The following SUPT3H variants were observed in gnomAD, a reference collection of about 807,000 sequenced individuals.
SUPT3H encodes the protein transcription initiation protein SPT3 homolog.
SUPT3H carries 44 observed loss-of-function variants against 44.3 expected under a neutral mutation model. That is an observed-to-expected ratio of 0.99 (90% CI 0.78 to 1.28). The LOEUF (loss-of-function observed/expected upper bound fraction) is 1.28, where lower values mean the gene tolerates loss of function less well. Among genes scored for constraint, SUPT3H ranks in the 50% most tolerant of loss-of-function variants. The probability of loss-of-function intolerance (pLI) is 0.00; values close to 1 mark genes in which losing one functional copy is unlikely to be tolerated. For missense variants in SUPT3H, 380 were observed against 387.1 expected (o/e 0.98, Z 0.15); for synonymous variants, 124 against 125.6 (o/e 0.99, Z 0.09).
In SUPT3H at chr6:45,267,202, C is replaced by T. The variant is rs532796627; in HGVS notation, c.101+97999G>A. 5.9e-5 allele frequency among the ~76,000 whole-genome samples: 9 copies of T among 152,240 alleles called. No individual in the cohort carries two copies. In the South Asian group the frequency reaches 1.9e-3, roughly 32 times the overall value. ...TACTCAACCTGTATTATTGAAAAGGCTGACCATGCCACACATATCTCCGAT... is the reference window on the plus strand; with the variant it reads ...TACTCAACCTGTATTATTGAAAAGGTTGACCATGCCACACATATCTCCGAT... On this transcript the variant is annotated intron_variant, in intron 2 of 10. Coordinates refer to ENST00000371459, the MANE Select transcript of SUPT3H (RefSeq NM_003599.4).
At chr6:45,247,449 T>G (rs1771566966) in intron 2 of SUPT3H, among the ~76,000 whole-genome samples, 1 of 152,216 alleles carries the variant, frequency 6.6e-6, no homozygotes, top group Non-Finnish European at 1.5e-5. Context: ...CCTGTTCTCT[T>G]TCTTGGAGTC....
At chr6:45,234,300 G>A (rs1768651145) in intron 2 of SUPT3H, among the ~76,000 whole-genome samples, 1 of 151,982 alleles carries the variant, frequency 6.6e-6, no homozygotes, top group Non-Finnish European at 1.5e-5. Context: ...GGAGGCCGAG[G>A]TGGGCAGATT....
At chr6:45,213,406 C>T (rs1318576872) in intron 2 of SUPT3H, among the ~76,000 whole-genome samples, 1 of 151,930 alleles carries the variant, frequency 6.6e-6, no homozygotes, top group Non-Finnish European at 1.5e-5. Context: ...TTTTATAATT[C>T]ACAGAAGAAC....
At chr6:45,280,547 A>C (rs1222873428) in intron 2 of SUPT3H, among the ~76,000 whole-genome samples, 1 of 152,184 alleles carries the variant, frequency 6.6e-6, no homozygotes, top group Admixed American at 6.5e-5. Context: ...CACATTTTCC[A>C]ATCAGCTTAT....
At chr6:45,294,256 A>G (rs997110030) in intron 2 of SUPT3H, among the ~76,000 whole-genome samples, 1 of 152,200 alleles carries the variant, frequency 6.6e-6, no homozygotes, top group East Asian at 1.9e-4. Flanking sequence ...AGAAGCAGAA[A>G]AAGCATTCAA....
intron 2 of SUPT3H, among the ~76,000 whole-genome samples, chr6:45,215,116 C>CTG (rs1249018241): frequency 6.6e-6 from 1 of 152,136 alleles, no homozygotes; most frequent in African/African-American, 2.4e-5. Flanking sequence ...ATTCATACTA[C>CTG]CACTACTGCA....
Position 45,255,418 on chromosome 6 carries a change from G to GTTT in SUPT3H, c.101+109780_101+109782dup, listed in dbSNP as rs11394172. ...CATTCTTAACAACAACCTATAATAG[G>GTTT]TTTTTTTTTTTTTTTTTTTCAGTCA... is the stretch of plus-strand genomic sequence containing the variant. On this transcript the variant is annotated intron_variant, in intron 2 of 10. Transcript: ENST00000371459. Among the ~76,000 whole-genome samples, 474 of 116,186 alleles carry GTTT rather than the reference G, an allele frequency of 4.1e-3. 20 individuals are homozygous for GTTT. Among genetic ancestry groups the GTTT allele is most frequent in the African/African-American group, 0.014 (417 of 29,836 alleles). The allele number at this position is 116,186 out of a possible 152,430, so 76.2% of individuals were successfully genotyped here.
At chr6:45,240,971 C>T (rs1770189935) in intron 2 of SUPT3H, among the ~76,000 whole-genome samples, 1 of 152,158 alleles carries the variant, frequency 6.6e-6, no homozygotes. Context: ...ATGCTAGGAA[C>T]TGGAGTGCTT....
intron 2 of SUPT3H, among the ~76,000 whole-genome samples, chr6:45,359,953 T>C (rs1377652263): frequency 1.3e-5 from 2 of 152,164 alleles, no homozygotes; most frequent in African/African-American, 4.8e-5. Flanking sequence ...GGCAGGAGGA[T>C]CACCTGGTCC....
chr6:45,358,198 C>T (rs906037945), intron 2 of SUPT3H, among the ~76,000 whole-genome samples: 3 of 152,034 alleles, frequency 2.0e-5, no homozygotes, highest in Non-Finnish European at 1.5e-5. Flanking sequence ...ACAGATGCAA[C>T]CCAGAAAAGA....
intron 6 of SUPT3H, among the ~76,000 whole-genome samples, chr6:44,969,779 C>G (rs952760211): frequency 1.1e-4 from 17 of 152,198 alleles, no homozygotes; most frequent in Non-Finnish European, 1.9e-4. Flanking sequence ...TTCTATATCA[C>G]AGCCTTAAAA....
At chr6:45,297,480 A>G (rs1161129710) in intron 2 of SUPT3H, among the ~76,000 whole-genome samples, 1 of 152,218 alleles carries the variant, frequency 6.6e-6, no homozygotes, top group African/African-American at 2.4e-5. Context: ...ATTACATAAA[A>G]TATTTTAAAC....
intron 2 of SUPT3H, among the ~76,000 whole-genome samples, chr6:45,302,590 G>T: frequency 7.1e-6 from 1 of 141,188 alleles, no homozygotes; most frequent in Non-Finnish European, 1.5e-5. Context: ...CTTATTGATT[G>T]ATGGGCATTT....
At chr6:44,870,771 G>C (rs1327299436) in intron 10 of SUPT3H, among the ~76,000 whole-genome samples, 15 of 150,742 alleles carry the variant, frequency 1.0e-4, no homozygotes, top group Non-Finnish European at 2.2e-4. Context: ...CAGAGAGTGG[G>C]CGCAGGCCAG....
chr6:44,958,133 G>A (rs1775487847), intron 7 of SUPT3H, among the ~76,000 whole-genome samples: 1 of 152,182 alleles, frequency 6.6e-6, no homozygotes, highest in Non-Finnish European at 1.5e-5. Flanking sequence ...AGAATCCTGA[G>A]CAATGGTCAA....
chr6:45,145,665 GAT>G (rs1805933568), intron 2 of SUPT3H, among the ~76,000 whole-genome samples: 1 of 152,006 alleles, frequency 6.6e-6, no homozygotes, highest in Admixed American at 6.6e-5. Flanking sequence ...AAGATAAATA[GAT>G]GGGACTTAAT....
At chr6:45,128,771 T>C (rs1221527391) in intron 2 of SUPT3H, among the ~76,000 whole-genome samples, 1 of 150,888 alleles carries the variant, frequency 6.6e-6, no homozygotes, top group Non-Finnish European at 1.5e-5. Flanking sequence ...CTGCAACCTC[T>C]ACCTCCTGGG....
intron 2 of SUPT3H, among the ~76,000 whole-genome samples, chr6:45,248,492 A>G (rs1342979168): frequency 1.3e-5 from 2 of 152,222 alleles, no homozygotes; most frequent in Non-Finnish European, 2.9e-5. Context: ...TAAGCCATCA[A>G]CATCATTAGT....
chr6:45,359,212 A>G (rs1793808722), intron 2 of SUPT3H, among the ~76,000 whole-genome samples: 1 of 152,192 alleles, frequency 6.6e-6, no homozygotes, highest in Non-Finnish European at 1.5e-5. Flanking sequence ...ATTTTTTAAC[A>G]CAAGCACTTA....
Sources: gnomAD v4.1 joint callset for allele counts (sites outside exome capture counted in the v4.1 genomes callset) on GRCh38, gnomAD v4.1.1 for gene constraint, MANE v1.5 for transcripts, NCBI Gene and HGNC (gene_info 2026-07-23, HGNC 2026-07-21) for gene names.